UTS2B: variants seen among roughly 807,000 people sequenced by gnomAD.
UTS2B encodes the protein urotensin-2B.
UTS2B carries 21 observed loss-of-function variants against 19.2 expected under a neutral mutation model. The ratio of observed to expected loss-of-function variants is 1.09; its 90% CI spans 0.78 to 1.58. The LOEUF (loss-of-function observed/expected upper bound fraction) is 1.58. Ranked by LOEUF, UTS2B falls within the 40% of genes most tolerant of loss-of-function variation. UTS2B has a pLI of 0.00. For missense variants in UTS2B, 138 were observed against 130.3 expected, an observed-to-expected ratio of 1.06 and a Z score of -0.29; for synonymous variants, 57 against 50.2, an observed-to-expected ratio of 1.14 and a Z score of -0.58.
chr3:191,273,610 G>A (rs779871537), intron 8 of UTS2B: 7 of 456,378 alleles, frequency 1.5e-5, no homozygotes, highest in South Asian at 7.8e-5. Flanking sequence ...CATTGGACTC[G>A]ATTCCCGACT....
Position 191,278,140 on chromosome 3 carries a change from G to A in UTS2B, c.134C>T (p.Thr45Ile), listed in dbSNP as rs773520794. 2 of 1,556,008 alleles carry A rather than the reference G, an allele frequency of 1.3e-6. No homozygotes were observed. The highest frequency in any genetic ancestry group is 1.7e-6 in the Non-Finnish European group (2 of 1,154,610). Residue 45 changes from threonine (T) to isoleucine (I), a missense_variant, in exon 6 of 9, where the codon ACA becomes ATA. Coordinates refer to ENST00000340524, the MANE Select transcript of UTS2B (RefSeq NM_198152.5). ...AGCCAGCAATAGTTCCTCACGATTTGTATATTTTTTATCTGGAAATATTTC... is the reference window on the plus strand; with the variant it reads ...AGCCAGCAATAGTTCCTCACGATTTATATATTTTTTATCTGGAAATATTTC... Reference protein sequence around the residue: ...GNEIFPDKKYTNREELLLALL... With the variant: ...GNEIFPDKKYINREELLLALL...
chr3:191,290,267 T>A (rs920123750), intron 4 of UTS2B, among the ~76,000 whole-genome samples: 1 of 152,234 alleles, frequency 6.6e-6, no homozygotes, highest in African/African-American at 2.4e-5. Context: ...ATGTTTACTA[T>A]CGATTGTATT....
chr3:191,317,831 C>T (rs1294398403), intron 2 of UTS2B, among the ~76,000 whole-genome samples: 1 of 152,196 alleles, frequency 6.6e-6, no homozygotes, highest in Non-Finnish European at 1.5e-5. Flanking sequence ...CTGCTCAGCT[C>T]ACCTTCCCAA....
intron 3 of UTS2B, among the ~76,000 whole-genome samples, chr3:191,306,801 T>A (rs1717152474): frequency 6.6e-6 from 1 of 152,104 alleles, no homozygotes. Flanking sequence ...ACCAGCTAAT[T>A]TTTGTATTTT....
intron 3 of UTS2B, among the ~76,000 whole-genome samples, chr3:191,312,530 T>C (rs1717332308): frequency 6.6e-6 from 1 of 152,214 alleles, no homozygotes; most frequent in African/African-American, 2.4e-5. Flanking sequence ...TTTGCAGTTA[T>C]TGCAACTTTG....
At chr3:191,334,626 C>T (rs1260853397), upstream of UTS2B, among the ~76,000 whole-genome samples, 1 of 152,126 alleles carries the variant, frequency 6.6e-6, no homozygotes, top group Admixed American at 6.5e-5. Flanking sequence ...AAGTTTAGAA[C>T]TGTGAGTAGT....
chr3:191,291,421 C>A (rs1031170330), intron 4 of UTS2B, among the ~76,000 whole-genome samples: 2 of 151,878 alleles, frequency 1.3e-5, no homozygotes, highest in Admixed American at 1.3e-4. Flanking sequence ...TCTAAGAGTT[C>A]TATAGTGAAA....
rs550495306 is a variant in UTS2B, at chr3:191,293,351, G to T, written c.-124-11038C>A. On this transcript the variant is annotated intron_variant, in intron 4 of 8. Coordinates refer to ENST00000340524, the MANE Select transcript of UTS2B (RefSeq NM_198152.5). Reference sequence around the variant, plus strand: ...TTAATTCTTCCTTAAACATCTGGTAGAATTCAATAGTGAATTCATCTGTTG... The same window carrying T: ...TTAATTCTTCCTTAAACATCTGGTATAATTCAATAGTGAATTCATCTGTTG... Among the ~76,000 whole-genome samples, 8 of 152,298 alleles carry T rather than the reference G, an allele frequency of 5.3e-5. No individual in the cohort carries two copies. In the South Asian group the frequency reaches 1.4e-3, roughly 28 times the overall value.
chr3:191,269,375 T>TC (rs1245719869), intron 8 of UTS2B, among the ~76,000 whole-genome samples: 1 of 152,242 alleles, frequency 6.6e-6, no homozygotes, highest in African/African-American at 2.4e-5. Flanking sequence ...AGCCTATTTT[T>TC]CATTTCTTCA....
At position 191,282,931 on chromosome 3, in the gene UTS2B, G is replaced by C. The variant is rs147639028; in HGVS notation, c.-124-618C>G. ...ACTCTCTTTAATACTTGCTTTAATT[G>C]TGCTGGTTTTCTTTTTAAGTCAAAG... On this transcript the variant is annotated intron_variant, in intron 4 of 8. Transcript: ENST00000340524. Among the ~76,000 whole-genome samples the C allele has an allele frequency of 9.2e-5, 14 of 152,238 alleles. No homozygotes were observed. In the East Asian group the frequency reaches 2.7e-3, roughly 29 times the overall value.
At chr3:191,324,774 C>T (rs779219583) in intron 2 of UTS2B, among the ~76,000 whole-genome samples, 1 of 152,092 alleles carries the variant, frequency 6.6e-6, no homozygotes, top group Non-Finnish European at 1.5e-5. Flanking sequence ...CAAGGCCCGG[C>T]GTGGTGGCTC....
chr3:191,314,596 GCC>G (rs1052956006), intron 3 of UTS2B, among the ~76,000 whole-genome samples: 37 of 152,272 alleles, frequency 2.4e-4, no homozygotes, highest in African/African-American at 8.7e-4. Flanking sequence ...ATGACAAGCA[GCC>G]CCTATGTAGC....
intron 4 of UTS2B, among the ~76,000 whole-genome samples, chr3:191,283,407 C>T (rs1458897964): frequency 6.6e-6 from 1 of 152,120 alleles, no homozygotes; most frequent in East Asian, 1.9e-4. Flanking sequence ...ACTGTTTAGC[C>T]TTTTGGATCT....
intron 4 of UTS2B, among the ~76,000 whole-genome samples, chr3:191,286,915 T>A (rs761936638): frequency 8.7e-6 from 1 of 114,860 alleles, no homozygotes; most frequent in Non-Finnish European, 2.1e-5. Context: ...TCAGGAAGAA[T>A]GTAATAGAAA....
intron 4 of UTS2B, among the ~76,000 whole-genome samples, chr3:191,295,483 T>C (rs1161288901): frequency 6.6e-6 from 1 of 151,952 alleles, no homozygotes; most frequent in African/African-American, 2.4e-5. Flanking sequence ...TTTCTCAGGG[T>C]TTGATTCTAG....
chr3:191,293,972 G>A (rs754196433), intron 4 of UTS2B, among the ~76,000 whole-genome samples: 177 of 151,910 alleles, frequency 1.2e-3, no homozygotes, highest in Middle Eastern at 3.4e-3. Flanking sequence ...GCCGGGCGTG[G>A]TGACACACGC....
At chr3:191,340,483 T>C in the UTS2B span, among the ~76,000 whole-genome samples, 2 of 152,218 alleles carry the variant, frequency 1.3e-5, no homozygotes, top group African/African-American at 4.8e-5. Flanking sequence ...AATCTGCATG[T>C]TAATATGTTG....
the UTS2B span, among the ~76,000 whole-genome samples, chr3:191,341,262 A>G: frequency 2.0e-5 from 3 of 152,220 alleles, no homozygotes; most frequent in Non-Finnish European, 4.4e-5. Context: ...AATGAGGCCA[A>G]TAATAGGCTC....
At chr3:191,333,505 C>T (rs187995729), upstream of UTS2B, among the ~76,000 whole-genome samples, 1 of 152,154 alleles carries the variant, frequency 6.6e-6, no homozygotes, top group South Asian at 2.1e-4. Flanking sequence ...ACGGCAAACC[C>T]ACTTTCCCTG....
Sources: allele counts gnomAD v4.1 joint callset (sites outside exome capture counted in the v4.1 genomes callset), GRCh38; gene constraint gnomAD v4.1.1; transcripts MANE v1.5; gene names NCBI Gene and HGNC (gene_info 2026-07-23, HGNC 2026-07-21).